Variants in MACF1 observed in about 807,000 individuals in gnomAD.
The protein encoded by MACF1 is microtubule-actin cross-linking factor 1.
A neutral mutation model predicts 854.8 loss-of-function variants in MACF1; 193 were observed. The observed-to-expected ratio is 0.23, with a 90% CI of 0.20 to 0.25. The LOEUF (loss-of-function observed/expected upper bound fraction) is 0.25, where lower values mean the gene tolerates loss of function less well. MACF1 is among the 10% of genes least tolerant of loss of function. The pLI, the probability that MACF1 is intolerant of heterozygous loss-of-function variation, is 1.00. For missense variants in MACF1, 7,722 were observed against 8,929.1 expected (o/e 0.86, Z 5.45); for synonymous variants, 3,185 against 3,226.7 (o/e 0.99, Z 0.44).
At chr1:39,353,277 GC>G in intron 44 of MACF1, 46 bp downstream of exon 44, 1 of 1,457,170 alleles carries the variant, frequency 6.9e-7, no homozygotes, top group Non-Finnish European at 9.3e-7. Flanking sequence ...AATCTCTCCT[GC>G]CCTGAGCAAG....
intron 71 of MACF1, 147 bp downstream of exon 71, chr1:39,438,155 AT>A: frequency 1.3e-6 from 1 of 757,532 alleles, no homozygotes; most frequent in Non-Finnish European, 2.1e-6. Context: ...CTGGAAAATC[AT>A]TTGGAATTCA....
At chr1:39,267,995 GT>G (rs1645253780) in intron 6 of MACF1, among the ~76,000 whole-genome samples, 1 of 152,090 alleles carries the variant, frequency 6.6e-6, no homozygotes, top group African/African-American at 2.4e-5. Flanking sequence ...TAATTTTATT[GT>G]TTTCTGACCT....
At chr1:39,345,069 G>T (rs1647015392) in intron 40 of MACF1, among the ~76,000 whole-genome samples, 1 of 152,092 alleles carries the variant, frequency 6.6e-6, no homozygotes, top group Non-Finnish European at 1.5e-5. Flanking sequence ...AGCCCTTTCT[G>T]CCTGTTCTGC....
At chr1:39,119,336 A>C (rs977700261) in intron 2 of MACF1, among the ~76,000 whole-genome samples, 1 of 151,574 alleles carries the variant, frequency 6.6e-6, no homozygotes, top group Non-Finnish European at 1.5e-5. Context: ...AAAAAAAAAA[A>C]AACAACCAGA....
chr1:39,217,322 T>C (rs1644588876), intron 1 of MACF1, among the ~76,000 whole-genome samples: 1 of 151,666 alleles, frequency 6.6e-6, no homozygotes, highest in South Asian at 2.1e-4. Context: ...TTGCTCAGGC[T>C]GGAGTGCAGT....
At chr1:39,116,403 T>TGC (rs1557463231) in intron 2 of MACF1, among the ~76,000 whole-genome samples, 1 of 151,320 alleles carries the variant, frequency 6.6e-6, no homozygotes, top group Non-Finnish European at 1.5e-5. Context: ...TGTGTGTGTG[T>TGC]GCACGTGTGT....
chr1:39,100,608 C>T (rs1025994097), intron 2 of MACF1, among the ~76,000 whole-genome samples: 2 of 152,080 alleles, frequency 1.3e-5, no homozygotes, highest in South Asian at 2.1e-4. Context: ...AATCCCAGAA[C>T]TTTGGGAGGC....
chr1:39,474,155 G>A (rs1164802335), intron 97 of MACF1, among the ~76,000 whole-genome samples: 2 of 152,150 alleles, frequency 1.3e-5, no homozygotes, highest in Admixed American at 6.5e-5. Flanking sequence ...TTGGGAGGCC[G>A]AGGCGGGCAG....
intron 2 of MACF1, among the ~76,000 whole-genome samples, chr1:39,183,692 C>T (rs917288190): frequency 4.6e-5 from 7 of 152,220 alleles, no homozygotes; most frequent in African/African-American, 1.7e-4. Flanking sequence ...ATCCTTTAAA[C>T]TGTGTGTCAC....
At position 39,485,835 on chromosome 1, in the gene MACF1, C is replaced by G; in HGVS notation, c.*41C>G. 3.9e-6 allele frequency: 6 copies of G among 1,524,462 alleles called. No individual in the cohort carries two copies. The highest frequency in any genetic ancestry group is 5.3e-6 in the Non-Finnish European group (6 of 1,134,864). The allele number at this position is 1,524,462 out of a possible 1,614,324, so 94.4% of individuals were successfully genotyped here. On this transcript the variant is annotated 3_prime_UTR_variant, in exon 101 of 101. Coordinates refer to ENST00000564288, the MANE Select transcript of MACF1 (RefSeq NM_001394062.1). Reference sequence around the variant, plus strand: ...CCCAAGCCACTATCCACTTTGAATCCTGCTCCATACATTGGGTGTATATTT... The same window carrying G: ...CCCAAGCCACTATCCACTTTGAATCGTGCTCCATACATTGGGTGTATATTT...
intron 97 of MACF1, among the ~76,000 whole-genome samples, chr1:39,473,835 C>G (rs866926901): frequency 1.3e-5 from 2 of 152,200 alleles, no homozygotes; most frequent in Non-Finnish European, 2.9e-5. Context: ...CCTGCAGAAG[C>G]TCTCAGCCTA....
At position 39,350,970 on chromosome 1, in the gene MACF1, G is replaced by A; in HGVS notation, c.11151G>A (p.Lys3717=). ...ALQEETRVAQ[K]ELEEAVTSAL... is the part of the protein sequence containing the mutation. ...AGGAAGAGACACGTGTGGCCCAGAA[G>A]GAACTGGAGGAAGCAGTGACCTCCG... Residue 3717 remains lysine, a synonymous_variant, in exon 43 of 101, where the codon AAG becomes AAA. Transcript: ENST00000564288. 7.4e-6 allele frequency: 12 copies of A among 1,614,152 alleles called. No homozygotes were observed. The highest frequency in any genetic ancestry group is 1.0e-5 in the Non-Finnish European group (12 of 1,180,004).
At position 39,381,911 on chromosome 1, in the gene MACF1, T is replaced by C. The variant is rs1026650538; in HGVS notation, c.13649-42T>C. ...ATAACTTAGGTACCAGGCCAGTTGTTGATAATGTAAAGGAATACATTCCCT... is the reference window on the plus strand; with the variant it reads ...ATAACTTAGGTACCAGGCCAGTTGTCGATAATGTAAAGGAATACATTCCCT... On this transcript the variant is annotated intron_variant, in intron 55 of 100. Transcript: ENST00000564288. The C allele has an allele frequency of 4.2e-6, 6 of 1,432,346 alleles. No individual in the cohort carries two copies. In the Admixed American group the frequency reaches 6.7e-5, roughly 16 times the overall value. The allele number at this position is 1,432,346 out of a possible 1,614,324, so 88.7% of individuals were successfully genotyped here. A position where few individuals can be genotyped will look rare whatever the true frequency, so the allele number is the denominator to read the frequency against.
In MACF1 at chr1:39,084,835, T is replaced by C. The variant is rs1641628597; in HGVS notation, c.220+397T>C. 6.6e-6 allele frequency among the ~76,000 whole-genome samples: 1 copy of C among 152,340 alleles called. No individual in the cohort carries two copies. Among genetic ancestry groups the C allele is most frequent in the South Asian group, 2.1e-4 (1 of 4,828 alleles). The stretch of plus-strand genomic sequence containing the variant: ...GTTACCATTTCTAAAAGCTGTCTAT[T>C]TCATGACTTTCTAAATCCTACTCTT... On this transcript the variant is annotated intron_variant, in intron 2 of 93. Coordinates refer to the MACF1 transcript ENST00000361689. The surrounding 1 kb of genome is among the most constrained non-coding windows in gnomAD (Gnocchi z 5.2).
At chr1:39,396,077 A>G (rs1305952155) in intron 58 of MACF1, among the ~76,000 whole-genome samples, 1 of 152,248 alleles carries the variant, frequency 6.6e-6, no homozygotes, top group Non-Finnish European at 1.5e-5. Context: ...GCAGTGGCTC[A>G]TGCCTGTAAT....
In MACF1 at chr1:39,236,394, C is replaced by A. The variant is rs539287014; in HGVS notation, c.171+5151C>A. On this transcript the variant is annotated intron_variant, in intron 2 of 100. Coordinates refer to ENST00000564288, the MANE Select transcript of MACF1 (RefSeq NM_001394062.1). ...ATTCTGCTCCCTGTGCTTGGAATAT[C>A]TTTCCCAAGTTTGTTCTGCCTGGAT... Among the ~76,000 whole-genome samples the A allele has an allele frequency of 1.6e-3, 247 of 152,280 alleles. 1 individual carries two copies. Among genetic ancestry groups the A allele is most frequent in the African/African-American group, 5.7e-3 (238 of 41,558 alleles).
intron 6 of MACF1, among the ~76,000 whole-genome samples, chr1:39,263,621 A>C (rs1268578366): frequency 6.6e-6 from 1 of 152,092 alleles, no homozygotes; most frequent in Non-Finnish European, 1.5e-5. Context: ...ATATTATCCT[A>C]AAGTTGATGT....
At position 39,369,248 on chromosome 1, in the gene MACF1, T is replaced by C. The variant is rs142859289; in HGVS notation, c.12939-782T>C. The stretch of plus-strand genomic sequence containing the variant: ...CAAGGCTGGCTGATTTTGGTCCCTG[T>C]TGAAAAGCCATGATTCCTCACTGGA... On this transcript the variant is annotated intron_variant, in intron 50 of 100. Coordinates refer to ENST00000564288, the MANE Select transcript of MACF1 (RefSeq NM_001394062.1). 3.3e-5 allele frequency among the ~76,000 whole-genome samples: 5 copies of C among 152,328 alleles called. No individual in the cohort carries two copies. The East Asian group carries it at 9.6e-4, about 29-fold the overall frequency.
intron 6 of MACF1, among the ~76,000 whole-genome samples, chr1:39,263,670 A>G (rs756702295): frequency 3.3e-5 from 5 of 151,414 alleles, no homozygotes; most frequent in African/African-American, 1.2e-4. Flanking sequence ...TTTACAGCAG[A>G]TGATCTATTC....
Sources: gnomAD v4.1 joint callset for allele counts (sites outside exome capture counted in the v4.1 genomes callset) on GRCh38, gnomAD v4.1.1 for gene constraint, Gnocchi (gnomAD v3.1) non-coding constraint, MANE v1.5 for transcripts, NCBI Gene and HGNC (gene_info 2026-07-23, HGNC 2026-07-21) for gene names.